MAGI3: variants seen among roughly 807,000 people sequenced by gnomAD.
MAGI3 encodes the protein membrane associated guanylate kinase, WW and PDZ domain containing 3.
Under a neutral mutation model 121.8 loss-of-function variants are expected in MAGI3, and 43 were observed. The ratio of observed to expected loss-of-function variants is 0.35; its 90% CI spans 0.28 to 0.46. MAGI3 has a LOEUF of 0.46. Ranked by LOEUF, MAGI3 falls within the 20% of genes least tolerant of loss-of-function variation. The pLI, the probability that MAGI3 is intolerant of heterozygous loss-of-function variation, is 1.00. For synonymous variants in MAGI3, 553 were observed against 639.3 expected, an observed-to-expected ratio of 0.86 and a Z score of 2.04; for missense variants, 1,547 against 1,797.3, an observed-to-expected ratio of 0.86 and a Z score of 2.52.
In MAGI3 at chr1:113,622,798, TG is replaced by T; in HGVS notation, c.1172-6del. On this transcript the variant is annotated splice_region_variant and splice_polypyrimidine_tract_variant and intron_variant, in intron 8 of 20. Coordinates refer to ENST00000307546, the MANE Select transcript of MAGI3 (RefSeq NM_001142782.2). ...TTGTTCTCAAACCCACTTCTCATTT[TG>T]GCACAGATATGGAAAAATCACACTT... 1 of 1,562,356 alleles carries T rather than the reference TG, an allele frequency of 6.4e-7. No individual in the cohort carries two copies. The highest frequency in any genetic ancestry group is 8.6e-7 in the Non-Finnish European group (1 of 1,163,518).
chr1:113,642,363 C>T lies in MAGI3; in HGVS notation c.1813C>T (p.Leu605=). The T allele has an allele frequency of 6.2e-7, 1 of 1,614,090 alleles. No homozygotes were observed. Among genetic ancestry groups the T allele is most frequent in the Non-Finnish European group, 8.5e-7 (1 of 1,180,028 alleles). Residue 605 remains leucine (L), a synonymous_variant, in exon 10 of 21, where the codon CTG becomes TTG. Coordinates refer to ENST00000307546, the MANE Select transcript of MAGI3 (RefSeq NM_001142782.2). The stretch of plus-strand genomic sequence containing the variant: ...TACTGGACAGAAGGTGAAAATGATA[C>T]TGGATAGTCAGTGGTGTCAAGGCCT... ...SPTGQKVKMI[L]DSQWCQGLQK...
intron 4 of MAGI3, among the ~76,000 whole-genome samples, chr1:113,587,830 T>C (rs1192488457): frequency 6.6e-6 from 1 of 152,236 alleles, no homozygotes; most frequent in African/African-American, 2.4e-5. Flanking sequence ...ACATGGTTAT[T>C]TCCCAAGAAT....
chr1:113,448,107 G>A (rs914402359), intron 1 of MAGI3, among the ~76,000 whole-genome samples: 2 of 152,122 alleles, frequency 1.3e-5, no homozygotes, highest in African/African-American at 4.8e-5. Flanking sequence ...ACCCGTCTTA[G>A]AGCCAAGAAG....
chr1:113,497,140 C>A (rs1269371481), intron 1 of MAGI3, among the ~76,000 whole-genome samples: 1 of 152,116 alleles, frequency 6.6e-6, no homozygotes, highest in African/African-American at 2.4e-5. Context: ...GCCTGTAAGT[C>A]CCAGCTACTT....
At chr1:113,550,311 G>A (rs1245469856) in intron 2 of MAGI3, among the ~76,000 whole-genome samples, 1 of 151,770 alleles carries the variant, frequency 6.6e-6, no homozygotes, top group African/African-American at 2.4e-5. Context: ...AGCTACTCAG[G>A]AGGCTGAGGC....
chr1:113,682,677 T>G (rs1648290286), intron 20 of MAGI3: 1 of 977,762 alleles, frequency 1.0e-6, no homozygotes, highest in African/African-American at 1.8e-5. Context: ...AAAATGAATA[T>G]TATTTTGTGT....
intron 16 of MAGI3, among the ~76,000 whole-genome samples, chr1:113,662,069 C>G (rs1400244102): frequency 6.6e-6 from 1 of 152,104 alleles, no homozygotes; most frequent in Non-Finnish European, 1.5e-5. Flanking sequence ...TTTCAGAAAC[C>G]ACACATTCAG....
At chr1:113,679,438 C>T (rs1202726001) in intron 19 of MAGI3, among the ~76,000 whole-genome samples, 2 of 152,130 alleles carry the variant, frequency 1.3e-5, no homozygotes, top group Admixed American at 6.5e-5. Context: ...GACATGATTT[C>T]GCTCTTTTTA....
chr1:113,479,409 A>G (rs963572637), intron 1 of MAGI3, among the ~76,000 whole-genome samples: 3 of 152,062 alleles, frequency 2.0e-5, no homozygotes, highest in African/African-American at 7.2e-5. Context: ...TTCTTCCTGT[A>G]CTTTAAATAT....
At chr1:113,556,542 T>A (rs1659999688) in intron 2 of MAGI3, among the ~76,000 whole-genome samples, 1 of 149,892 alleles carries the variant, frequency 6.7e-6, no homozygotes, top group Admixed American at 6.8e-5. Context: ...TGTGTAAGTG[T>A]ATGATAAAGA....
At chr1:113,412,093 G>C (rs929918202) in intron 1 of MAGI3, among the ~76,000 whole-genome samples, 26 of 137,774 alleles carry the variant, frequency 1.9e-4, no homozygotes, top group African/African-American at 7.1e-4. Context: ...TCATGGTTCA[G>C]TTCCCACCTA....
chr1:113,683,790 GA>G lies in MAGI3; in HGVS notation c.4226del (p.Lys1409ArgfsTer3), dbSNP rs754482464. On this transcript the variant is annotated frameshift_variant, in exon 21 of 21. Coordinates refer to ENST00000307546, the MANE Select transcript of MAGI3 (RefSeq NM_001142782.2). LOFTEE classifies it low-confidence loss of function (END_TRUNC). ...DKIGENVQLS[E>X]KRLKQEPEEK... ...AATAGGAGAAAATGTCCAGCTATCA[GA>G]AAAGAGGCTGAAGCAAGAACCTGAA... 1.9e-6 allele frequency: 3 copies of G among 1,607,806 alleles called. No homozygotes were observed. The highest frequency in any genetic ancestry group is 2.5e-6 in the Non-Finnish European group (3 of 1,176,816).
chr1:113,572,200 T>C (rs187295531), intron 2 of MAGI3, among the ~76,000 whole-genome samples: 132 of 152,370 alleles, frequency 8.7e-4, no homozygotes, highest in African/African-American at 3.0e-3. Context: ...TTATGTTTAT[T>C]GATTTGCATA....
chr1:113,578,086 C>T (rs1443854777), intron 2 of MAGI3, among the ~76,000 whole-genome samples: 1 of 152,120 alleles, frequency 6.6e-6, no homozygotes, highest in Non-Finnish European at 1.5e-5. Context: ...TCAACTGGAG[C>T]TGGAGGGGCT....
At chr1:113,450,346 G>C in intron 1 of MAGI3, 1 of 1,328,108 alleles carries the variant, frequency 7.5e-7, no homozygotes, top group Non-Finnish European at 1.1e-6. Context: ...AGCTATGGTG[G>C]TGGAGGTGGT....
intron 1 of MAGI3, among the ~76,000 whole-genome samples, chr1:113,505,025 T>TA (rs1557791568): frequency 6.6e-6 from 1 of 152,114 alleles, no homozygotes; most frequent in Admixed American, 6.6e-5. Context: ...AACCTACACA[T>TA]TTATATGTTC....
At chr1:113,603,155 A>G (rs140577305) in intron 6 of MAGI3, among the ~76,000 whole-genome samples, 1 of 152,312 alleles carries the variant, frequency 6.6e-6, no homozygotes, top group Non-Finnish European at 1.5e-5. Flanking sequence ...AGACATTACA[A>G]CAAACACCAC....
At chr1:113,494,842 T>G (rs866245276) in intron 1 of MAGI3, among the ~76,000 whole-genome samples, 1 of 152,218 alleles carries the variant, frequency 6.6e-6, no homozygotes, top group African/African-American at 2.4e-5. Flanking sequence ...TAATTCAGAT[T>G]AATGAGCTTT....
chr1:113,467,977 AC>A (rs1304730017), intron 1 of MAGI3, among the ~76,000 whole-genome samples: 4 of 152,098 alleles, frequency 2.6e-5, no homozygotes. Flanking sequence ...TTATGTAGTG[AC>A]CTTGTCTCTT....
Sources: gnomAD v4.1 joint callset for allele counts (sites outside exome capture counted in the v4.1 genomes callset) on GRCh38, gnomAD v4.1.1 for gene constraint, MANE v1.5 for transcripts, NCBI Gene and HGNC (gene_info 2026-07-23, HGNC 2026-07-21) for gene names.